Variants in BMPR1A observed in about 807,000 individuals in gnomAD.
BMPR1A encodes the protein bone morphogenetic protein receptor type 1A.
BMPR1A carries 7 observed loss-of-function variants against 66.0 expected under a neutral mutation model. The observed-to-expected ratio is 0.11, with a 90% CI of 0.06 to 0.20. The LOEUF is 0.20. Ranked by LOEUF, BMPR1A falls within the 10% of genes least tolerant of loss-of-function variation. The pLI, the probability that BMPR1A is intolerant of heterozygous loss-of-function variation, is 1.00. For missense variants in BMPR1A, 408 were observed against 669.1 expected (o/e 0.61, Z 4.31); for synonymous variants, 200 against 229.7 (o/e 0.87, Z 1.17).
At position 86,838,956 on chromosome 10, in the gene BMPR1A, G is replaced by A. The variant is rs1319268396; in HGVS notation, c.-176G>A. On this transcript the variant is annotated 5_prime_UTR_variant, in exon 2 of 13. Coordinates refer to ENST00000372037, the MANE Select transcript of BMPR1A (RefSeq NM_004329.3). ...CTGTTTGGAGAAAATCAGAAGTACA[G>A]TTTTATCTAGCCACATCTTGGAGGT... 1 of 152,154 alleles carries A rather than the reference G, an allele frequency of 6.6e-6. No homozygotes were observed. Among genetic ancestry groups the A allele is most frequent in the Non-Finnish European group, 1.5e-5 (1 of 68,018 alleles). The allele number at this position is 152,154 out of a possible 1,614,324, so 9.4% of individuals were successfully genotyped here.
At chr10:86,858,391 A>G (rs1338882878) in intron 2 of BMPR1A, among the ~76,000 whole-genome samples, 1 of 152,098 alleles carries the variant, frequency 6.6e-6, no homozygotes, top group Admixed American at 6.6e-5. Flanking sequence ...TGTTTATATC[A>G]GTGTTTTACA....
At chr10:86,882,268 C>T (rs564010215) in intron 3 of BMPR1A, among the ~76,000 whole-genome samples, 2 of 151,646 alleles carry the variant, frequency 1.3e-5, no homozygotes, top group East Asian at 2.0e-4. Flanking sequence ...ACTAAAAATA[C>T]GAAAATTAGC....
chr10:86,880,742 G>A (rs1371146107), intron 3 of BMPR1A, among the ~76,000 whole-genome samples: 2 of 152,218 alleles, frequency 1.3e-5, no homozygotes, highest in Non-Finnish European at 1.5e-5. Context: ...AAATCACTGA[G>A]TTCAAGTTCG....
chr10:86,861,865 G>T (rs1313281987), intron 2 of BMPR1A, among the ~76,000 whole-genome samples: 1 of 152,226 alleles, frequency 6.6e-6, no homozygotes, highest in East Asian at 1.9e-4. Flanking sequence ...TATCATTTCA[G>T]TTGTGTTGAG....
At chr10:86,760,831 A>G (rs1368117356) in intron 1 of BMPR1A, among the ~76,000 whole-genome samples, 14 of 152,226 alleles carry the variant, frequency 9.2e-5, no homozygotes, top group African/African-American at 3.4e-4. Context: ...TTAACATCAC[A>G]AGGTCCATAT....
chr10:86,832,001 G>T (rs1410174937), intron 1 of BMPR1A, among the ~76,000 whole-genome samples: 1 of 152,140 alleles, frequency 6.6e-6, no homozygotes, highest in African/African-American at 2.4e-5. Flanking sequence ...ATACCTATAA[G>T]TAGGTAATCA....
intron 3 of BMPR1A, among the ~76,000 whole-genome samples, chr10:86,879,454 G>A (rs1447417029): frequency 1.3e-5 from 2 of 152,180 alleles, no homozygotes; most frequent in African/African-American, 2.4e-5. Context: ...AGAGGGCTGC[G>A]CTTCCCTGAA....
At chr10:86,883,634 G>C (rs1201841166) in intron 3 of BMPR1A, among the ~76,000 whole-genome samples, 2 of 151,068 alleles carry the variant, frequency 1.3e-5, no homozygotes, top group Admixed American at 1.3e-4. Context: ...AGCCGGGCGT[G>C]GTGGCAGGCG....
At chr10:86,809,230 G>A (rs541587479) in intron 1 of BMPR1A, among the ~76,000 whole-genome samples, 81 of 152,094 alleles carry the variant, frequency 5.3e-4, no homozygotes, top group African/African-American at 1.7e-3. Flanking sequence ...TATATTTACA[G>A]TGTCATGGAA....
At chr10:86,916,706 T>C (rs1445011877) in intron 8 of BMPR1A, among the ~76,000 whole-genome samples, 2 of 152,126 alleles carry the variant, frequency 1.3e-5, no homozygotes, top group African/African-American at 4.8e-5. Flanking sequence ...AAGTACATTA[T>C]GGCCGGGCAT....
In BMPR1A at chr10:86,923,725, A is replaced by G; in HGVS notation, c.*6A>G. ...CCCAAGATGTAAAAATCTGATGGTT[A>G]AACCATCGGAGGAGAAACTCTAGAC... On this transcript the variant is annotated 3_prime_UTR_variant, in exon 13 of 13. Transcript: ENST00000372037. The G allele has an allele frequency of 6.2e-7, 1 of 1,612,986 alleles. No homozygotes were observed. Among genetic ancestry groups the G allele is most frequent in the Non-Finnish European group, 8.5e-7 (1 of 1,179,952 alleles).
At chr10:86,782,291 C>T (rs752419746) in intron 1 of BMPR1A, among the ~76,000 whole-genome samples, 1 of 152,128 alleles carries the variant, frequency 6.6e-6, no homozygotes, top group Non-Finnish European at 1.5e-5. Flanking sequence ...CTGCAGTGGA[C>T]AAGAGTATGT....
rs1352670901 is a variant in BMPR1A, at chr10:86,924,933, T to G, written c.*1214T>G. 4.3e-6 allele frequency: 1 copy of G among 232,110 alleles called. No individual in the cohort carries two copies. The highest frequency in any genetic ancestry group is 2.2e-5 in the African/African-American group (1 of 45,324). The allele number at this position is 232,110 out of a possible 1,614,324, so 14.4% of individuals were successfully genotyped here. On this transcript the variant is annotated 3_prime_UTR_variant, in exon 13 of 13. Transcript: ENST00000372037. The stretch of plus-strand genomic sequence containing the variant: ...TTGTTAACTTCAGGTAAAAACTTCA[T>G]TAGGGTAATATCATCTCAATTTTTT...
In BMPR1A at chr10:86,877,281, C is replaced by T. The variant is rs192840442; in HGVS notation, c.67+1196C>T. Among the ~76,000 whole-genome samples the T allele has an allele frequency of 4.0e-3, 600 of 151,292 alleles. 3 individuals carry two copies. Among genetic ancestry groups the T allele is most frequent in the African/African-American group, 0.013 (529 of 41,126 alleles). On this transcript the variant is annotated intron_variant, in intron 3 of 12. Coordinates refer to ENST00000372037, the MANE Select transcript of BMPR1A (RefSeq NM_004329.3). Reference sequence around the variant, plus strand: ...GGAGTACAGTGGCGCCATCTCGGCTCACTGCAAGCTCCGCCTCCCGGGTTC... The same window carrying T: ...GGAGTACAGTGGCGCCATCTCGGCTTACTGCAAGCTCCGCCTCCCGGGTTC...
chr10:86,828,538 A>G (rs951439780), intron 1 of BMPR1A, among the ~76,000 whole-genome samples: 2 of 152,250 alleles, frequency 1.3e-5, no homozygotes, highest in African/African-American at 4.8e-5. Flanking sequence ...GTATTGTAGC[A>G]TAACTCTGGT....
At chr10:86,836,981 G>T (rs1174486408) in intron 1 of BMPR1A, among the ~76,000 whole-genome samples, 1 of 152,140 alleles carries the variant, frequency 6.6e-6, no homozygotes, top group Non-Finnish European at 1.5e-5. Flanking sequence ...TTAAGTGTTT[G>T]TACATGTGGG....
In BMPR1A at chr10:86,828,839, G is replaced by T. The variant is rs77410764; in HGVS notation, c.-267-10026G>T. Among the ~76,000 whole-genome samples the T allele has an allele frequency of 6.6e-3, 1,005 of 152,178 alleles. 8 individuals carry two copies. Among genetic ancestry groups the T allele is most frequent in the African/African-American group, 0.023 (940 of 41,512 alleles). On this transcript the variant is annotated intron_variant, in intron 1 of 12. Coordinates refer to ENST00000372037, the MANE Select transcript of BMPR1A (RefSeq NM_004329.3). ...TCTACTGGCCGAATTGGATTTACTT[G>T]GAAAAAGAAAGAGGGTGTTATCAAA...
At chr10:86,826,939 A>T (rs1197137584) in intron 1 of BMPR1A, among the ~76,000 whole-genome samples, 1 of 152,148 alleles carries the variant, frequency 6.6e-6, no homozygotes, top group Non-Finnish European at 1.5e-5. Context: ...AAATATTAAC[A>T]TTTAACCATG....
chr10:86,879,756 T>C (rs1309531179), intron 3 of BMPR1A, among the ~76,000 whole-genome samples: 2 of 152,184 alleles, frequency 1.3e-5, no homozygotes, highest in African/African-American at 4.8e-5. Context: ...GGTCCAGCAG[T>C]GTGTGGCTAA....
Sources: allele counts gnomAD v4.1 joint callset (sites outside exome capture counted in the v4.1 genomes callset), GRCh38; gene constraint gnomAD v4.1.1; transcripts MANE v1.5; gene names NCBI Gene and HGNC (gene_info 2026-07-23, HGNC 2026-07-21).